The following LOC128462377 variants were observed in gnomAD, a reference collection of about 807,000 sequenced individuals.
chr16:89,371,869 A>G, the LOC128462377 span, among the ~76,000 whole-genome samples: 1 of 152,232 alleles, frequency 6.6e-6, no homozygotes, highest in Admixed American at 6.5e-5. Context: ...AAAGGGAGGT[A>G]GACCTGGTGA....
the LOC128462377 span, among the ~76,000 whole-genome samples, chr16:89,409,522 G>A: frequency 1.3e-5 from 2 of 152,140 alleles, no homozygotes; most frequent in African/African-American, 4.8e-5. Context: ...CTTTTCACAA[G>A]AGCAGGAAAG....
At chr16:89,348,567 T>C in the LOC128462377 span, among the ~76,000 whole-genome samples, 2 of 152,204 alleles carry the variant, frequency 1.3e-5, no homozygotes, top group African/African-American at 4.8e-5. Context: ...AAGTCAGTCA[T>C]CCGGGACTGA....
the LOC128462377 span, among the ~76,000 whole-genome samples, chr16:89,406,737 G>T: frequency 6.6e-6 from 1 of 152,188 alleles, no homozygotes; most frequent in African/African-American, 2.4e-5. Flanking sequence ...CCTCCTTCAC[G>T]CTGATAAGCG....
chr16:89,397,608 G>A, the LOC128462377 span, among the ~76,000 whole-genome samples: 31 of 152,354 alleles, frequency 2.0e-4, no homozygotes, highest in African/African-American at 6.0e-4. Flanking sequence ...GGGCCCACCT[G>A]CCTCAGGCTG....
chr16:89,356,392 A>G, the LOC128462377 span, among the ~76,000 whole-genome samples: 13 of 152,044 alleles, frequency 8.6e-5, no homozygotes, highest in Non-Finnish European at 1.6e-4. Flanking sequence ...TGATGACACC[A>G]GCTCCGGAAG....
the LOC128462377 span, among the ~76,000 whole-genome samples, chr16:89,413,762 C>T: frequency 2.0e-5 from 3 of 152,194 alleles, no homozygotes; most frequent in Non-Finnish European, 4.4e-5. Flanking sequence ...ACAGAAACAG[C>T]CGACAAGCTC....
At chr16:89,346,518 T>C in the LOC128462377 span, among the ~76,000 whole-genome samples, 92 of 152,286 alleles carry the variant, frequency 6.0e-4, no homozygotes, top group Non-Finnish European at 1.1e-3. Context: ...CACAGACAAC[T>C]ACACCACACG....
At chr16:89,391,024 C>T in the LOC128462377 span, among the ~76,000 whole-genome samples, 1 of 151,652 alleles carries the variant, frequency 6.6e-6, no homozygotes, top group South Asian at 2.1e-4. Flanking sequence ...GTCAGGAGAT[C>T]GAGACCATCC....
At chr16:89,411,184 C>T in the LOC128462377 span, among the ~76,000 whole-genome samples, 5 of 152,280 alleles carry the variant, frequency 3.3e-5, no homozygotes, top group Non-Finnish European at 5.9e-5. Context: ...GGCCACGCCT[C>T]CATGACGGTG....
the LOC128462377 span, among the ~76,000 whole-genome samples, chr16:89,334,790 C>T: frequency 6.6e-6 from 1 of 152,172 alleles, no homozygotes; most frequent in Non-Finnish European, 1.5e-5. Context: ...CCCACGTGTC[C>T]ACCAGCAGAA....
chr16:89,327,463 C>T, the LOC128462377 span, among the ~76,000 whole-genome samples: 665 of 152,146 alleles, frequency 4.4e-3, 6 homozygotes, highest in African/African-American at 0.016. Flanking sequence ...GTGTCCATGT[C>T]GAAAATCACA....
chr16:89,324,358 A>G, the LOC128462377 span: 4 of 1,014,706 alleles, frequency 3.9e-6, no homozygotes, highest in Non-Finnish European at 4.1e-6. Flanking sequence ...AAGAGGGAAA[A>G]AGCCAGGAGG....
the LOC128462377 span, among the ~76,000 whole-genome samples, chr16:89,376,836 G>A: frequency 6.6e-6 from 1 of 152,178 alleles, no homozygotes; most frequent in Non-Finnish European, 1.5e-5. Context: ...GCGAGCACTG[G>A]GATAGAAGGC....
chr16:89,318,955 C>T, the LOC128462377 span, among the ~76,000 whole-genome samples: 4 of 152,208 alleles, frequency 2.6e-5, no homozygotes, highest in Admixed American at 2.6e-4. Context: ...TTTTCCACCA[C>T]AAAACCGGAA....
At chr16:89,328,050 A>G in the LOC128462377 span, among the ~76,000 whole-genome samples, 1 of 152,256 alleles carries the variant, frequency 6.6e-6, no homozygotes. Flanking sequence ...AGAAAATAAG[A>G]GAAAACACAC....
the LOC128462377 span, among the ~76,000 whole-genome samples, chr16:89,378,463 T>A: frequency 2.0e-5 from 3 of 152,174 alleles, no homozygotes; most frequent in African/African-American, 7.2e-5. Context: ...AATCATGGCA[T>A]TGAAGCCTAA....
At chr16:89,328,691 C>T in the LOC128462377 span, among the ~76,000 whole-genome samples, 1 of 147,818 alleles carries the variant, frequency 6.8e-6, no homozygotes, top group Admixed American at 6.7e-5. Context: ...CACCCAGGAG[C>T]ACGGGCGAAA....
chr16:89,330,476 G>C, the LOC128462377 span, among the ~76,000 whole-genome samples: 1 of 152,090 alleles, frequency 6.6e-6, no homozygotes, highest in Non-Finnish European at 1.5e-5. Context: ...GGCTGCGGAT[G>C]TGTGGACATG....
chr16:89,339,332 G>C, the LOC128462377 span, among the ~76,000 whole-genome samples: 5 of 152,154 alleles, frequency 3.3e-5, no homozygotes, highest in African/African-American at 1.2e-4. Context: ...GAGAGGCCCA[G>C]GTTTGCTTGA....
Sources: allele counts gnomAD v4.1 joint callset (sites outside exome capture counted in the v4.1 genomes callset), GRCh38; gene constraint gnomAD v4.1.1; transcripts MANE v1.5.